The following ETNK1 variants were observed in gnomAD, a reference collection of about 807,000 sequenced individuals.
The protein encoded by ETNK1 is ethanolamine kinase 1.
A neutral mutation model predicts 45.1 loss-of-function variants in ETNK1; 8 were observed. That is an observed-to-expected ratio of 0.18 (90% CI 0.10 to 0.32). ETNK1 has a LOEUF of 0.32. ETNK1 is among the 10% of genes least tolerant of loss of function. The pLI, the probability that ETNK1 is intolerant of heterozygous loss-of-function variation, is 1.00. For synonymous variants in ETNK1, 152 were observed against 151.9 expected (o/e 1.00, Z -0.01); for missense variants, 302 against 430.6 (o/e 0.70, Z 2.64).
chr12:22,625,708 T>TA, intron 1 of ETNK1, 122 bp downstream of exon 1: 2 of 1,373,082 alleles, frequency 1.5e-6, no homozygotes, highest in Non-Finnish European at 2.0e-6. Flanking sequence ...TCCTTAAGTC[T>TA]ATTGGGAAGT....
chr12:22,668,160 C>T (rs1271627374), intron 4 of ETNK1, among the ~76,000 whole-genome samples: 2 of 152,248 alleles, frequency 1.3e-5, no homozygotes, highest in East Asian at 1.9e-4. Context: ...TAAGAAAGTG[C>T]ACATACACAT....
At chr12:22,640,376 T>C (rs1953719960) in intron 1 of ETNK1, among the ~76,000 whole-genome samples, 1 of 151,660 alleles carries the variant, frequency 6.6e-6, no homozygotes, top group African/African-American at 2.4e-5. Context: ...TTGAATGGCA[T>C]TTCTAACTAA....
chr12:22,662,307 C>T (rs1407588954), intron 4 of ETNK1, among the ~76,000 whole-genome samples: 7 of 140,050 alleles, frequency 5.0e-5, no homozygotes, highest in South Asian at 2.3e-4. Context: ...AGGCTGGTCT[C>T]GAACTCCTGA....
intron 2 of ETNK1, chr12:22,644,515 C>A: frequency 2.1e-6 from 1 of 476,080 alleles, no homozygotes. Flanking sequence ...AAATTGCCAG[C>A]TTTAAAAATT....
chr12:22,674,317 G>C (rs1954139344), intron 6 of ETNK1, among the ~76,000 whole-genome samples: 1 of 152,128 alleles, frequency 6.6e-6, no homozygotes, highest in South Asian at 2.1e-4. Flanking sequence ...AGCTATTTTA[G>C]CTGCTGCTTT....
chr12:22,665,205 A>G (rs779558917), intron 4 of ETNK1, among the ~76,000 whole-genome samples: 21 of 152,150 alleles, frequency 1.4e-4, no homozygotes, highest in Admixed American at 2.0e-4. Flanking sequence ...TTATGTCTTT[A>G]TGTAAACACA....
At chr12:22,640,424 AG>A (rs1953721230) in intron 1 of ETNK1, among the ~76,000 whole-genome samples, 1 of 151,206 alleles carries the variant, frequency 6.6e-6, no homozygotes, top group Admixed American at 6.6e-5. Flanking sequence ...AAGATGTGAA[AG>A]AGAATTTGCC....
At chr12:22,678,172 G>A (rs1326169312) in intron 6 of ETNK1, among the ~76,000 whole-genome samples, 5 of 152,046 alleles carry the variant, frequency 3.3e-5, no homozygotes, top group South Asian at 2.1e-4. Flanking sequence ...TGTGCCTCTC[G>A]CATCTCAAGC....
intron 1 of ETNK1, among the ~76,000 whole-genome samples, chr12:22,627,171 C>T (rs1368021372): frequency 6.6e-6 from 1 of 151,688 alleles, no homozygotes; most frequent in Non-Finnish European, 1.5e-5. Context: ...ATCTTAGTCG[C>T]CCGAACAACC....
Position 22,689,744 on chromosome 12 carries a change from G to A in ETNK1, c.*4790G>A, listed in dbSNP as rs1474160489. 3.3e-5 allele frequency: 5 copies of A among 152,002 alleles called. No individual in the cohort carries two copies. The highest frequency in any genetic ancestry group is 6.6e-5 in the Admixed American group (1 of 15,264). 9.4% of individuals were successfully genotyped at this position (152,002 alleles called of 1,614,324 possible). A position where few individuals can be genotyped will look rare whatever the true frequency, so the allele number is the denominator to read the frequency against. On this transcript the variant is annotated 3_prime_UTR_variant, in exon 8 of 8. Transcript: ENST00000266517. Reference sequence around the variant, plus strand: ...AAGACCCCAAAAAGGCAGTAGAGGAGATTAGTGTTTACTTGCTGTGGTTGT... The same window carrying A: ...AAGACCCCAAAAAGGCAGTAGAGGAAATTAGTGTTTACTTGCTGTGGTTGT...
intron 2 of ETNK1, among the ~76,000 whole-genome samples, chr12:22,657,400 G>T (rs1201022124): frequency 3.3e-5 from 5 of 152,128 alleles, no homozygotes; most frequent in Non-Finnish European, 2.9e-5. Flanking sequence ...AAAGGAGAAA[G>T]AATTTATTGG....
At chr12:22,684,860 T>G (rs772987771) in intron 7 of ETNK1, 22 bp from the exon 8 acceptor site, 1 of 1,583,508 alleles carries the variant, frequency 6.3e-7, no homozygotes, top group Non-Finnish European at 8.6e-7. Flanking sequence ...CTAATTTTTT[T>G]GTTGTTCTCT....
chr12:22,656,431 G>C (rs993292025), intron 2 of ETNK1: 3 of 985,282 alleles, frequency 3.0e-6, no homozygotes, highest in Non-Finnish European at 2.4e-6. Context: ...GATTGTTTCA[G>C]ATCAGAAGAG....
chr12:22,661,221 T>C lies in ETNK1; in HGVS notation c.700+16T>C, dbSNP rs1276967948. The C allele has an allele frequency of 6.4e-7, 1 of 1,574,354 alleles. No individual in the cohort carries two copies. The highest frequency in any genetic ancestry group is 8.6e-7 in the Non-Finnish European group (1 of 1,167,874). ...GAGAAACAAGGTAGGTATTTGACCT[T>C]AGCAGTAAGTAAAATTGATTTCTTT... On this transcript the variant is annotated intron_variant, in intron 4 of 7. Transcript: ENST00000266517.
At chr12:22,651,165 CAG>C (rs1008502202) in intron 2 of ETNK1, among the ~76,000 whole-genome samples, 108 of 152,326 alleles carry the variant, frequency 7.1e-4, no homozygotes, top group African/African-American at 2.5e-3. Flanking sequence ...GTTTGATTTG[CAG>C]AGGGCACGGA....
At chr12:22,684,854 T>G in intron 7 of ETNK1, 28 bp from the exon 8 acceptor site, 1 of 1,565,042 alleles carries the variant, frequency 6.4e-7, no homozygotes, top group South Asian at 1.2e-5. Context: ...CTTTGACTAA[T>G]TTTTTTGTTG....
intron 2 of ETNK1, among the ~76,000 whole-genome samples, chr12:22,653,229 T>C (rs1162598368): frequency 6.6e-6 from 1 of 152,188 alleles, no homozygotes; most frequent in Non-Finnish European, 1.5e-5. Context: ...TTTTTCTTTG[T>C]GACAGCACCA....
intron 5 of ETNK1, among the ~76,000 whole-genome samples, chr12:22,673,201 C>A (rs1265890174): frequency 1.3e-5 from 2 of 152,106 alleles, no homozygotes; most frequent in Non-Finnish European, 2.9e-5. Flanking sequence ...TCCTGGGTTG[C>A]TTCCTAAAAT....
At chr12:22,674,975 A>G (rs548766369) in intron 6 of ETNK1, among the ~76,000 whole-genome samples, 133 of 152,376 alleles carry the variant, frequency 8.7e-4, no homozygotes, top group East Asian at 1.7e-3. Context: ...CAAAATGCTT[A>G]TAATTTAGAA....
Sources: allele counts gnomAD v4.1 joint callset (sites outside exome capture counted in the v4.1 genomes callset), GRCh38; gene constraint gnomAD v4.1.1; transcripts MANE v1.5; gene names NCBI Gene and HGNC (gene_info 2026-07-23, HGNC 2026-07-21).